The following NUDT14 variants were observed in gnomAD, a reference collection of about 807,000 sequenced individuals.
NUDT14 encodes nudix hydrolase 14, also known as uridine diphosphate glucose pyrophosphatase NUDT14.
Under a neutral mutation model 17.5 loss-of-function variants are expected in NUDT14, and 22 were observed. The ratio of observed to expected loss-of-function variants is 1.26; its 90% confidence interval spans 0.90 to 1.80. The LOEUF is 1.80. Among genes scored for constraint, NUDT14 ranks in the 40% most tolerant of loss-of-function variants. NUDT14 has a pLI of 0.00. For synonymous variants in NUDT14, 129 were observed against 125.8 expected (o/e 1.03, Z -0.17); for missense variants, 296 against 295.6 (o/e 1.00, Z -0.01).
chr14:105,180,921 C>T (rs1408075818), intron 1 of NUDT14, among the ~76,000 whole-genome samples: 6 of 152,134 alleles, frequency 3.9e-5, no homozygotes, highest in African/African-American at 1.4e-4. Context: ...CCTCAGATGT[C>T]CCTCCCGCGG....
intron 4 of NUDT14, chr14:105,175,957 C>A (rs771242500): frequency 4.7e-5 from 60 of 1,268,426 alleles, no homozygotes; most frequent in South Asian, 1.8e-4. Flanking sequence ...CCCAAGACCT[C>A]AGCTGGGGTC....
At position 105,181,276 on chromosome 14, in the gene NUDT14, G is replaced by A. The variant is rs962636547; in HGVS notation, c.-67C>T. ...CCGACACGGGGCGGCGCCCTGTCCC[G>A]ACAGGAGCCTTCGGGCGGGCGCGTG... On this transcript the variant is annotated 5_prime_UTR_variant, in exon 1 of 5. Coordinates refer to ENST00000392568, the MANE Select transcript of NUDT14 (RefSeq NM_177533.5). The surrounding 1 kb of genome is among the most constrained non-coding windows in gnomAD (Gnocchi z 5.0). 4.7e-6 allele frequency: 3 copies of A among 635,326 alleles called. No homozygotes were observed. The highest frequency in any genetic ancestry group is 7.0e-5 in the East Asian group (1 of 14,312). The allele number at this position is 635,326 out of a possible 1,614,324, so 39.4% of individuals were successfully genotyped here. A position where few individuals can be genotyped will look rare whatever the true frequency, so the allele number is the denominator to read the frequency against.
chr14:105,178,523 G>A (rs1229332338), intron 1 of NUDT14, among the ~76,000 whole-genome samples: 1 of 152,236 alleles, frequency 6.6e-6, no homozygotes. Flanking sequence ...GTGGGCAGGT[G>A]TGTGGGCTGG....
chr14:105,173,259 G>A lies in NUDT14; in HGVS notation c.431C>T (p.Ser144Phe), dbSNP rs1188837763. The A allele has an allele frequency of 2.0e-6, 3 of 1,537,216 alleles. No homozygotes were observed. The African/African-American group carries it at 4.2e-5, about 21-fold the overall frequency. ...TCTGGAGCCAGTCAGTCCCACTCCA[G>A]ACCTACGGGTTGAGACAGGGTCTGC... ...SDLRRVATYW[S>F]GVGLTGSRQT... Residue 144 changes from serine to phenylalanine, a missense_variant and splice_region_variant, in exon 5 of 5, where the codon TCT becomes TTT. By Grantham distance (155) the Ser-to-Phe change is radical. Transcript: ENST00000392568. This position sits in a 1 kb window ranked among gnomAD's most constrained non-coding sequence, Gnocchi z 4.7.
At chr14:105,174,695 G>T (rs184807583) in intron 4 of NUDT14, among the ~76,000 whole-genome samples, 2 of 152,026 alleles carry the variant, frequency 1.3e-5, no homozygotes, top group Non-Finnish European at 2.9e-5. Context: ...CCCGGTTTCC[G>T]CCGGCTTGTG....
At chr14:105,180,685 C>T (rs965151004) in intron 1 of NUDT14, among the ~76,000 whole-genome samples, 16 of 152,300 alleles carry the variant, frequency 1.1e-4, no homozygotes, top group Admixed American at 2.0e-4. Context: ...CAAGTTCTCA[C>T]TCAGCTCCTT....
At chr14:105,177,796 G>T in intron 1 of NUDT14, 61 bp from the exon 2 acceptor site, 2 of 1,547,942 alleles carry the variant, frequency 1.3e-6, no homozygotes, top group African/African-American at 1.4e-5. Flanking sequence ...TCGGGGAACC[G>T]AGGAGGCCAC....
chr14:105,176,586 C>G lies in NUDT14; in HGVS notation c.376G>C (p.Glu126Gln). ...EEVACKEAWE[E>Q]CGYHLAPSDL... Reference sequence around the variant, plus strand: ...GAGGGGGCCAAGTGGTAGCCACACTCCTCCCAAGCCTCCTTGCAAGCCACT... The same window carrying G: ...GAGGGGGCCAAGTGGTAGCCACACTGCTCCCAAGCCTCCTTGCAAGCCACT... Residue 126 changes from glutamate (E) to glutamine (Q), a missense_variant, in exon 4 of 5, where the codon GAG (glutamate) becomes CAG (glutamine). By Grantham distance (29) the Glu-to-Gln change is conservative. Transcript: ENST00000392568. 9 of 1,612,754 alleles carry G rather than the reference C, an allele frequency of 5.6e-6. No homozygotes were observed. The highest frequency in any genetic ancestry group is 7.6e-6 in the Non-Finnish European group (9 of 1,179,960).
intron 1 of NUDT14, among the ~76,000 whole-genome samples, chr14:105,179,371 C>A (rs939276056): frequency 1.3e-5 from 2 of 152,220 alleles, no homozygotes; most frequent in Non-Finnish European, 2.9e-5. Flanking sequence ...TGGCAGCCAG[C>A]GTCCAGCCCA....
At chr14:105,174,081 G>C (rs1889162091) in intron 4 of NUDT14, among the ~76,000 whole-genome samples, 1 of 152,060 alleles carries the variant, frequency 6.6e-6, no homozygotes, top group Non-Finnish European at 1.5e-5. Flanking sequence ...GCATGGCAGA[G>C]TGGGGTGGGG....
chr14:105,181,290 G>A lies in NUDT14; in HGVS notation c.-81C>T. The A allele has an allele frequency of 1.6e-6, 1 of 612,372 alleles. No individual in the cohort carries two copies. The highest frequency in any genetic ancestry group is 7.2e-5 in the South Asian group (1 of 13,800). The allele number at this position is 612,372 out of a possible 1,614,324, so 37.9% of individuals were successfully genotyped here. On this transcript the variant is annotated 5_prime_UTR_variant, in exon 1 of 5. Transcript: ENST00000392568. This position sits in a 1 kb window ranked among gnomAD's most constrained non-coding sequence, Gnocchi z 5.0. ...CGCCCTGTCCCGACAGGAGCCTTCG[G>A]GCGGGCGCGTGACCGCGGCTCTGAG... is the stretch of plus-strand genomic sequence containing the variant.
chr14:105,181,215 C>T lies in NUDT14; in HGVS notation c.-6G>A, dbSNP rs1213944869. 2 of 1,140,434 alleles carry T rather than the reference C, an allele frequency of 1.8e-6. No homozygotes were observed. The allele number at this position is 1,140,434 out of a possible 1,614,324, so 70.6% of individuals were successfully genotyped here. ...GCCCCCTCGATGCGCTCCATGGCGG[C>T]GCCCGGACAGGCGGGGGCCGCGAGC... On this transcript the variant is annotated 5_prime_UTR_variant, in exon 1 of 5. Coordinates refer to ENST00000392568, the MANE Select transcript of NUDT14 (RefSeq NM_177533.5). This position sits in a 1 kb window ranked among gnomAD's most constrained non-coding sequence, Gnocchi z 5.0.
intron 2 of NUDT14, 75 bp from the exon 3 acceptor site, chr14:105,177,102 T>G: frequency 3.6e-6 from 5 of 1,408,384 alleles, no homozygotes; most frequent in Non-Finnish European, 4.9e-6. Context: ...CATCTTTCTG[T>G]TCCCAGCGTG....
In NUDT14 at chr14:105,181,224, AGG is replaced by A; in HGVS notation, c.-17_-16del. On this transcript the variant is annotated 5_prime_UTR_variant, in exon 1 of 5. Transcript: ENST00000392568. This position sits in a 1 kb window ranked among gnomAD's most constrained non-coding sequence, Gnocchi z 5.0. ...ATGCGCTCCATGGCGGCGCCCGGAC[AGG>A]CGGGGGCCGCGAGCTCTGCGGGGGC... 1 of 982,110 alleles carries A rather than the reference AGG, an allele frequency of 1.0e-6. No individual in the cohort carries two copies. The highest frequency in any genetic ancestry group is 3.5e-5 in the South Asian group (1 of 28,204). 60.8% of individuals were successfully genotyped at this position (982,110 alleles called of 1,614,324 possible).
At chr14:105,178,185 G>GT (rs1228950028) in intron 1 of NUDT14, among the ~76,000 whole-genome samples, 1 of 152,100 alleles carries the variant, frequency 6.6e-6, no homozygotes, top group Non-Finnish European at 1.5e-5. Context: ...CACTGAACAG[G>GT]TGGAGACGGG....
chr14:105,176,082 G>A (rs1439556456), intron 4 of NUDT14: 53 of 1,026,908 alleles, frequency 5.2e-5, no homozygotes, highest in Non-Finnish European at 6.7e-5. Context: ...TTGGTGCCTC[G>A]AGTTTGGTGG....
At chr14:105,177,981 G>T (rs1889252903) in intron 1 of NUDT14, among the ~76,000 whole-genome samples, 1 of 152,088 alleles carries the variant, frequency 6.6e-6, no homozygotes, top group African/African-American at 2.4e-5. Context: ...GGGCAGGGAA[G>T]GTGTCCAGGC....
At position 105,176,640 on chromosome 14, in the gene NUDT14, C is replaced by T. The variant is rs752063309; in HGVS notation, c.322G>A (p.Val108Met). Residue 108 changes from valine to methionine, a missense_variant, in exon 4 of 5, where the codon GTG (valine) becomes ATG (methionine). Val to Met is a conservative substitution (Grantham distance 21, BLOSUM62 1). Coordinates refer to ENST00000392568, the MANE Select transcript of NUDT14 (RefSeq NM_177533.5). ...GVTVELCAGL[V>M]DQPGLSLEEV... ...TCCAGCGAGAGCCCAGGCTGGTCCACGAGGCCGGCACACAGCTCAACTGTC... is the reference window on the plus strand; with the variant it reads ...TCCAGCGAGAGCCCAGGCTGGTCCATGAGGCCGGCACACAGCTCAACTGTC... The T allele has an allele frequency of 2.5e-5, 40 of 1,612,644 alleles. 1 individual carries two copies. In the East Asian group the frequency reaches 7.6e-4, roughly 31 times the overall value.
intron 3 of NUDT14, 43 bp from the exon 4 acceptor site, chr14:105,176,814 G>T (rs1298185701): frequency 6.3e-7 from 1 of 1,588,540 alleles, no homozygotes; most frequent in Non-Finnish European, 8.6e-7. Context: ...CCACGTGGTG[G>T]CCACCTCCAG....
Sources: allele counts gnomAD v4.1 joint callset (sites outside exome capture counted in the v4.1 genomes callset), GRCh38; gene constraint gnomAD v4.1.1; non-coding constraint Gnocchi (gnomAD v3.1); transcripts MANE v1.5; gene names NCBI Gene and HGNC (gene_info 2026-07-23, HGNC 2026-07-21).